The following BCL7B variants were observed in gnomAD, a reference collection of about 807,000 sequenced individuals.
The protein encoded by BCL7B is B-cell CLL/lymphoma 7 protein family member B.
A neutral mutation model predicts 26.5 loss-of-function variants in BCL7B; 11 were observed. The observed-to-expected ratio is 0.42, with a 90% CI of 0.26 to 0.69. The LOEUF (loss-of-function observed/expected upper bound fraction) is 0.69. Ranked by LOEUF, BCL7B falls within the 30% of genes least tolerant of loss-of-function variation. The pLI is 0.28. For synonymous variants in BCL7B, 111 were observed against 107.9 expected, an observed-to-expected ratio of 1.03 and a Z score of -0.18; for missense variants, 215 against 264.4, an observed-to-expected ratio of 0.81 and a Z score of 1.30.
chr7:73,541,062 G>A (rs1791753695), intron 3 of BCL7B, among the ~76,000 whole-genome samples: 2 of 152,136 alleles, frequency 1.3e-5, no homozygotes, highest in South Asian at 2.1e-4. Context: ...CAGGAAAATC[G>A]CTTGAACCCG....
intron 1 of BCL7B, among the ~76,000 whole-genome samples, chr7:73,555,917 G>C (rs1792343130): frequency 6.6e-6 from 1 of 152,148 alleles, no homozygotes; most frequent in African/African-American, 2.4e-5. Context: ...ACTCGGAAGA[G>C]AGAAAAATAA....
At chr7:73,544,726 G>A (rs1791893680) in intron 2 of BCL7B, among the ~76,000 whole-genome samples, 1 of 152,064 alleles carries the variant, frequency 6.6e-6, no homozygotes, top group Non-Finnish European at 1.5e-5. Flanking sequence ...TATAAGTGCA[G>A]GGCAACCACA....
At chr7:73,545,801 C>A (rs1233727063) in intron 2 of BCL7B, among the ~76,000 whole-genome samples, 1 of 152,132 alleles carries the variant, frequency 6.6e-6, no homozygotes, top group Non-Finnish European at 1.5e-5. Flanking sequence ...AGAGGCTGAA[C>A]CCTGAGGCTA....
intron 1 of BCL7B, chr7:73,553,473 A>T (rs1442913889): frequency 6.6e-6 from 1 of 152,132 alleles, no homozygotes; most frequent in African/African-American, 2.4e-5. Flanking sequence ...AGAGATCGAG[A>T]CCATCCTAGC....
chr7:73,537,473 C>T, intron 5 of BCL7B, 83 bp from the exon 6 acceptor site: 1 of 983,044 alleles, frequency 1.0e-6, no homozygotes, highest in Non-Finnish European at 1.6e-6. Context: ...AATGGGATGT[C>T]CACTCTGCTC....
intron 1 of BCL7B, chr7:73,556,979 G>A: frequency 2.0e-6 from 2 of 988,454 alleles, no homozygotes; most frequent in Non-Finnish European, 2.4e-6. Context: ...GAAAGGGAGG[G>A]GTATCCCTCT....
chr7:73,538,706 C>T (rs948766609), intron 4 of BCL7B, among the ~76,000 whole-genome samples: 1 of 150,232 alleles, frequency 6.7e-6, no homozygotes. Context: ...CCTACTACTA[C>T]GGAGTCTGAG....
At position 73,546,044 on chromosome 7, in the gene BCL7B, A is replaced by G. The variant is rs1272352556; in HGVS notation, c.169-2400T>C. ...CTACTTGGGAGGCTGAGGCAGGAGA[A>G]TGGCGTGAACCCAGGAGGCAGAGCT... On this transcript the variant is annotated intron_variant, in intron 2 of 5. Coordinates refer to ENST00000223368, the MANE Select transcript of BCL7B (RefSeq NM_001707.4). Among the ~76,000 whole-genome samples the G allele has an allele frequency of 2.0e-5, 3 of 150,994 alleles. No individual in the cohort carries two copies. The East Asian group carries it at 6.0e-4, about 30-fold the overall frequency.
intron 3 of BCL7B, among the ~76,000 whole-genome samples, chr7:73,542,197 T>C (rs1280014182): frequency 6.6e-6 from 1 of 152,148 alleles, no homozygotes; most frequent in Admixed American, 6.6e-5. Flanking sequence ...CTGCATACAG[T>C]GGGAGTTCAT....
Position 73,537,286 on chromosome 7 carries a change from G to A in BCL7B, c.*12C>T, listed in dbSNP as rs1791571645. 6.2e-7 allele frequency: 1 copy of A among 1,613,534 alleles called. No homozygotes were observed. The highest frequency in any genetic ancestry group is 1.1e-5 in the South Asian group (1 of 91,086). ...TAGAGGCAGGGCCAGGAGGCGGAGGGCCGGGATGGTGCTAGCTTTCTGACG... is the reference window on the plus strand; with the variant it reads ...TAGAGGCAGGGCCAGGAGGCGGAGGACCGGGATGGTGCTAGCTTTCTGACG... On this transcript the variant is annotated 3_prime_UTR_variant, in exon 6 of 6. Transcript: ENST00000223368.
chr7:73,552,641 C>T (rs1213287893), intron 1 of BCL7B, among the ~76,000 whole-genome samples: 6 of 151,770 alleles, frequency 4.0e-5, no homozygotes, highest in African/African-American at 1.5e-4. Context: ...AGTAGCTGGG[C>T]GTGGTGGCGT....
intron 3 of BCL7B, chr7:73,542,834 G>C (rs189613709): frequency 2.9e-5 from 13 of 444,642 alleles, no homozygotes; most frequent in African/African-American, 2.6e-4. Flanking sequence ...TTGTACCTTG[G>C]GAGGTCAAGG....
At position 73,538,605 on chromosome 7, in the gene BCL7B, A is replaced by G. The variant is rs1300238973; in HGVS notation, c.437-592T>C. On this transcript the variant is annotated intron_variant, in intron 4 of 5. Transcript: ENST00000223368. ...GAGGTGGGAGGATCACTTGAAGCCCAGGAGTTCAAGACCAGCCTGGGCAAC... is the reference window on the plus strand; with the variant it reads ...GAGGTGGGAGGATCACTTGAAGCCCGGGAGTTCAAGACCAGCCTGGGCAAC... 6.6e-5 allele frequency among the ~76,000 whole-genome samples: 10 copies of G among 152,044 alleles called. 1 individual carries two copies. The highest frequency in any genetic ancestry group is 5.9e-4 in the Admixed American group (9 of 15,240).
At chr7:73,556,735 C>T (rs948461029) in intron 1 of BCL7B, among the ~76,000 whole-genome samples, 2 of 152,230 alleles carry the variant, frequency 1.3e-5, no homozygotes, top group Non-Finnish European at 2.9e-5. Flanking sequence ...AATCCTCCCA[C>T]CACAGCCTCC....
chr7:73,537,418 A>G (rs1554582270), intron 5 of BCL7B, 28 bp from the exon 6 acceptor site: 81 of 1,584,338 alleles, frequency 5.1e-5, no homozygotes, highest in Non-Finnish European at 6.5e-5. Flanking sequence ...ATGGAATGCC[A>G]GGGCCACCCC....
At chr7:73,551,834 G>T (rs899451760) in intron 2 of BCL7B, among the ~76,000 whole-genome samples, 1 of 151,804 alleles carries the variant, frequency 6.6e-6, no homozygotes, top group Non-Finnish European at 1.5e-5. Context: ...AGTGGCTCAC[G>T]CCTGTAATCC....
rs1262221581 is a variant in BCL7B at position 73,543,479 on chromosome 7, ATTC to A, written c.265+66_265+68del. Reference sequence around the variant, plus strand: ...AGGTGTGAGTCACTGCACCTGGCCAATTCTTCTTATTAATGCATTCATCCAAGT... The same window carrying A: ...AGGTGTGAGTCACTGCACCTGGCCAATTCTTATTAATGCATTCATCCAAGT... On this transcript the variant is annotated intron_variant, in intron 3 of 5. Transcript: ENST00000223368. 1.0e-5 allele frequency: 15 copies of A among 1,466,136 alleles called. No individual in the cohort carries two copies. The African/African-American group carries it at 1.5e-4, about 15-fold the overall frequency. The allele number at this position is 1,466,136 out of a possible 1,614,324, so 90.8% of individuals were successfully genotyped here.
At chr7:73,547,638 A>G (rs1223852795) in intron 2 of BCL7B, among the ~76,000 whole-genome samples, 2 of 152,240 alleles carry the variant, frequency 1.3e-5, no homozygotes, top group Non-Finnish European at 2.9e-5. Flanking sequence ...TAATAGCTTC[A>G]AAGTGCTGAA....
intron 2 of BCL7B, among the ~76,000 whole-genome samples, chr7:73,547,947 G>A (rs1181240671): frequency 1.1e-4 from 17 of 152,006 alleles, no homozygotes; most frequent in African/African-American, 3.6e-4. Flanking sequence ...ATGAAACCCC[G>A]TCTCTACCAA....
Sources: gnomAD v4.1 joint callset for allele counts (sites outside exome capture counted in the v4.1 genomes callset) on GRCh38, gnomAD v4.1.1 for gene constraint, MANE v1.5 for transcripts, NCBI Gene and HGNC (gene_info 2026-07-23, HGNC 2026-07-21) for gene names.